Variants in FBXO8 observed in about 807,000 individuals in gnomAD.
FBXO8 encodes F-box protein 8.
Under a neutral mutation model 33.4 loss-of-function variants are expected in FBXO8, and 15 were observed. That is an observed-to-expected ratio of 0.45 (90% CI 0.30 to 0.69). The LOEUF (loss-of-function observed/expected upper bound fraction) is 0.69, where lower values mean the gene tolerates loss of function less well. FBXO8 is among the 30% of genes least tolerant of loss of function. The pLI, the probability that FBXO8 is intolerant of heterozygous loss-of-function variation, is 0.08. For synonymous variants in FBXO8, 132 were observed against 131.5 expected (o/e 1.00, Z -0.02); for missense variants, 274 against 380.3 (o/e 0.72, Z 2.32).
chr4:174,258,007 C>A (rs1736456476), intron 3 of FBXO8, among the ~76,000 whole-genome samples: 1 of 152,114 alleles, frequency 6.6e-6, no homozygotes, highest in African/African-American at 2.4e-5. Flanking sequence ...GGATTACAGA[C>A]ATGAGCCACT....
rs1196934092 is a variant in FBXO8, at chr4:174,251,270, C to T, written c.456+8429G>A. Among the ~76,000 whole-genome samples, 1 of 152,144 alleles carries T rather than the reference C, an allele frequency of 6.6e-6. No individual in the cohort carries two copies. Among genetic ancestry groups the T allele is most frequent in the African/African-American group, 2.4e-5 (1 of 41,444 alleles). On this transcript the variant is annotated intron_variant, in intron 3 of 5. Transcript: ENST00000393674. The surrounding 1 kb of genome is among the most constrained non-coding windows in gnomAD (Gnocchi z 4.2). ...CACTGAATAAAACAAGAGCAAAATA[C>T]ATCAGGTGGTTTGATTGATGAATAA...
In FBXO8 at chr4:174,245,334, G is replaced by C. The variant is rs1177063957; in HGVS notation, c.457-4116C>G. 6.6e-6 allele frequency among the ~76,000 whole-genome samples: 1 copy of C among 151,832 alleles called. No individual in the cohort carries two copies. Among genetic ancestry groups the C allele is most frequent in the Non-Finnish European group, 1.5e-5 (1 of 67,850 alleles). ...ATAGGACGTTTGGATAAGGTTTCCTGCTAGAGATTAGACTGAAGTATTGTA... is the reference window on the plus strand; with the variant it reads ...ATAGGACGTTTGGATAAGGTTTCCTCCTAGAGATTAGACTGAAGTATTGTA... On this transcript the variant is annotated intron_variant, in intron 3 of 5. Coordinates refer to ENST00000393674, the MANE Select transcript of FBXO8 (RefSeq NM_012180.3). The surrounding 1 kb of genome is among the most constrained non-coding windows in gnomAD (Gnocchi z 4.6).
intron 4 of FBXO8, among the ~76,000 whole-genome samples, chr4:174,239,589 T>G (rs1208467478): frequency 1.3e-5 from 2 of 151,896 alleles, no homozygotes; most frequent in Non-Finnish European, 2.9e-5. Flanking sequence ...AATTCACATC[T>G]TCAGAGGTAA....
In FBXO8 at chr4:174,241,214, A is replaced by G; in HGVS notation, c.461T>C (p.Val154Ala). The G allele has an allele frequency of 6.3e-7, 1 of 1,587,218 alleles. No individual in the cohort carries two copies. Among genetic ancestry groups the G allele is most frequent in the Non-Finnish European group, 8.6e-7 (1 of 1,159,852 alleles). ...GATACCCTTGGACATAAAGTAGTTC[A>G]CTCCCTAAGGCAGAAAGACAAGTCT... ...LTFNANPDEG[V>A]NYFMSKGILD... Residue 154 changes from valine (V) to alanine (A), a missense_variant, in exon 4 of 6, where the codon GTG (valine) becomes GCG (alanine). Physicochemically the swap from Val to Ala is moderately conservative, Grantham distance 64. Transcript: ENST00000393674. The surrounding 1 kb of genome is among the most constrained non-coding windows in gnomAD (Gnocchi z 4.2).
chr4:174,258,163 AG>A (rs1263815552), intron 3 of FBXO8, among the ~76,000 whole-genome samples: 7 of 152,218 alleles, frequency 4.6e-5, no homozygotes, highest in Non-Finnish European at 1.0e-4. Flanking sequence ...ATGTAAGTGC[AG>A]CAGAATCTCT....
Position 174,277,642 on chromosome 4 carries a change from C to T in FBXO8, c.-9+5768G>A, listed in dbSNP as rs1474606915. Among the ~76,000 whole-genome samples, 1 of 152,100 alleles carries T rather than the reference C, an allele frequency of 6.6e-6. No individual in the cohort carries two copies. Among genetic ancestry groups the T allele is most frequent in the African/African-American group, 2.4e-5 (1 of 41,438 alleles). On this transcript the variant is annotated intron_variant, in intron 1 of 5. Transcript: ENST00000393674. This position sits in a 1 kb window ranked among gnomAD's most constrained non-coding sequence, Gnocchi z 4.9. ...TTTTACTGAGCAAACGGTGTTAAAT[C>T]ATTGGTATGTAATGACTGACATATG... is the stretch of plus-strand genomic sequence containing the variant.
chr4:174,237,322 A>G lies in FBXO8; in HGVS notation c.*90T>C, dbSNP rs1011011785. The G allele has an allele frequency of 1.5e-5, 16 of 1,039,106 alleles. 1 individual carries two copies. The highest frequency in any genetic ancestry group is 6.9e-5 in the Admixed American group (3 of 43,366). 64.4% of individuals were successfully genotyped at this position (1,039,106 alleles called of 1,614,324 possible). ...AGCTTGATTGTATACTCAGGCTACAATGACCAGCACTGATGTAACCCCCAT... is the reference window on the plus strand; with the variant it reads ...AGCTTGATTGTATACTCAGGCTACAGTGACCAGCACTGATGTAACCCCCAT... On this transcript the variant is annotated 3_prime_UTR_variant, in exon 6 of 6. Transcript: ENST00000393674. The surrounding 1 kb of genome is among the most constrained non-coding windows in gnomAD (Gnocchi z 4.4).
chr4:174,282,446 A>G (rs1351416403), intron 1 of FBXO8, among the ~76,000 whole-genome samples: 2 of 152,218 alleles, frequency 1.3e-5, no homozygotes, highest in South Asian at 2.1e-4. Context: ...GTACCTCATC[A>G]GACATATTGT....
At position 174,237,959 on chromosome 4, in the gene FBXO8, G is replaced by A. The variant is rs1003957439; in HGVS notation, c.773-360C>T. 3.3e-5 allele frequency among the ~76,000 whole-genome samples: 5 copies of A among 151,928 alleles called. No individual in the cohort carries two copies. Among genetic ancestry groups the A allele is most frequent in the African/African-American group, 4.8e-5 (2 of 41,400 alleles). On this transcript the variant is annotated intron_variant, in intron 5 of 5. Transcript: ENST00000393674. The surrounding 1 kb of genome is among the most constrained non-coding windows in gnomAD (Gnocchi z 4.4). ...TTTATTTTCGTCTTTGCTTTCAAAT[G>A]TGATATTTCTATTCAAACATCCATA... is the stretch of plus-strand genomic sequence containing the variant.
In FBXO8 at chr4:174,273,511, T is replaced by G. The variant is rs79155084; in HGVS notation, c.-9+9899A>C. On this transcript the variant is annotated intron_variant, in intron 1 of 5. Coordinates refer to ENST00000393674, the MANE Select transcript of FBXO8 (RefSeq NM_012180.3). ...AAGATTGGATAAAAATATGGTATCA[T>G]AGTATCAATGTTAAATTTCCTAAAC... 8.0e-3 allele frequency among the ~76,000 whole-genome samples: 1,220 copies of G among 152,218 alleles called. 20 individuals are homozygous for G. The highest frequency in any genetic ancestry group is 0.028 in the African/African-American group (1,169 of 41,520).
intron 1 of FBXO8, among the ~76,000 whole-genome samples, chr4:174,269,321 C>CAA (rs35194028): frequency 1.4e-5 from 2 of 144,950 alleles, no homozygotes; most frequent in African/African-American, 2.5e-5. Flanking sequence ...GAAATAAAAA[C>CAA]AAAAAAAAAA....
At position 174,253,447 on chromosome 4, in the gene FBXO8, A is replaced by G. The variant is rs1736342786; in HGVS notation, c.456+6252T>C. Among the ~76,000 whole-genome samples, 1 of 152,176 alleles carries G rather than the reference A, an allele frequency of 6.6e-6. No homozygotes were observed. The highest frequency in any genetic ancestry group is 2.4e-5 in the African/African-American group (1 of 41,448). On this transcript the variant is annotated intron_variant, in intron 3 of 5. Coordinates refer to ENST00000393674, the MANE Select transcript of FBXO8 (RefSeq NM_012180.3). This position sits in a 1 kb window ranked among gnomAD's most constrained non-coding sequence, Gnocchi z 4.5. ...AGTAGCAGGAAGACCTAAACTGGCA[A>G]GAAGGTAGGGTCAGCTACCAACCAA...
rs565680805 is a variant in FBXO8, at chr4:174,259,161, TAA to T, written c.456+536_456+537del. Among the ~76,000 whole-genome samples, 83 of 152,056 alleles carry T rather than the reference TAA, an allele frequency of 5.5e-4. No homozygotes were observed. Among genetic ancestry groups the T allele is most frequent in the Admixed American group, 4.0e-3 (61 of 15,284 alleles). On this transcript the variant is annotated intron_variant, in intron 3 of 5. Coordinates refer to ENST00000393674, the MANE Select transcript of FBXO8 (RefSeq NM_012180.3). The surrounding 1 kb of genome is among the most constrained non-coding windows in gnomAD (Gnocchi z 4.3). ...CTTACATGTTATGTTAAGAAAGAAT[TAA>T]ATAATTAATACAAAATTATTCAATT...
At position 174,237,637 on chromosome 4, in the gene FBXO8, T is replaced by C. The variant is rs1282256612; in HGVS notation, c.773-38A>G. Reference sequence around the variant, plus strand: ...AGAAACAGTTCAAATTATTAGTTGGTTTACAAAATATGATTCCAATGGCAT... The same window carrying C: ...AGAAACAGTTCAAATTATTAGTTGGCTTACAAAATATGATTCCAATGGCAT... On this transcript the variant is annotated intron_variant, in intron 5 of 5. Transcript: ENST00000393674. This position sits in a 1 kb window ranked among gnomAD's most constrained non-coding sequence, Gnocchi z 4.4. 4.6e-6 allele frequency: 7 copies of C among 1,529,032 alleles called. No individual in the cohort carries two copies. Among genetic ancestry groups the C allele is most frequent in the Non-Finnish European group, 6.2e-6 (7 of 1,125,340 alleles). 94.7% of individuals were successfully genotyped at this position (1,529,032 alleles called of 1,614,324 possible).
intron 5 of FBXO8, among the ~76,000 whole-genome samples, chr4:174,238,066 C>T (rs1196573551): frequency 1.3e-5 from 2 of 151,788 alleles, no homozygotes; most frequent in Non-Finnish European, 2.9e-5. Flanking sequence ...AATTTGAGAG[C>T]ATCTTTAATG....
intron 3 of FBXO8, among the ~76,000 whole-genome samples, chr4:174,244,784 A>C (rs1164336442): frequency 6.6e-6 from 1 of 151,704 alleles, no homozygotes; most frequent in Non-Finnish European, 1.5e-5. Flanking sequence ...CAGTGGGGTA[A>C]ATAAAATTCC....
chr4:174,246,712 A>C (rs1224340596), intron 3 of FBXO8, among the ~76,000 whole-genome samples: 1 of 152,104 alleles, frequency 6.6e-6, no homozygotes, highest in Admixed American at 6.6e-5. Flanking sequence ...AGCCGATAAA[A>C]AGAGAGCAGG....
rs1440346371 is a variant in FBXO8 at position 174,263,980 on chromosome 4, T to G, written c.-8-880A>C. On this transcript the variant is annotated intron_variant, in intron 1 of 5. Transcript: ENST00000393674. This position sits in a 1 kb window ranked among gnomAD's most constrained non-coding sequence, Gnocchi z 4.2. The stretch of plus-strand genomic sequence containing the variant: ...TGGCATTGCCTTTAAATAGCTTTTC[T>G]GGAGCAAATAAAGTCATTCAGAACA... 6.6e-6 allele frequency among the ~76,000 whole-genome samples: 1 copy of G among 152,196 alleles called. No homozygotes were observed. Among genetic ancestry groups the G allele is most frequent in the Admixed American group, 6.5e-5 (1 of 15,268 alleles).
At chr4:174,260,740 C>CA (rs1736539222) in intron 2 of FBXO8, among the ~76,000 whole-genome samples, 2 of 151,806 alleles carry the variant, frequency 1.3e-5, no homozygotes, top group Admixed American at 1.3e-4. Context: ...GGATATCCAC[C>CA]AAAAAGCCTT....
Sources: gnomAD v4.1 joint callset for allele counts (sites outside exome capture counted in the v4.1 genomes callset) on GRCh38, gnomAD v4.1.1 for gene constraint, Gnocchi (gnomAD v3.1) non-coding constraint, MANE v1.5 for transcripts, NCBI Gene and HGNC (gene_info 2026-07-23, HGNC 2026-07-21) for gene names.